DMD: variants seen among roughly 807,000 people sequenced by gnomAD.
DMD encodes the protein mutant dystrophin.
A neutral mutation model predicts 330.1 loss-of-function variants in DMD; 63 were observed. That is an observed-to-expected ratio of 0.19 (90% CI 0.16 to 0.24). The LOEUF is 0.24. Ranked by LOEUF, DMD falls within the 10% of genes least tolerant of loss-of-function variation. The probability of loss-of-function intolerance (pLI) is 1.00; values close to 1 mark genes in which losing one functional copy is unlikely to be tolerated. For synonymous variants in DMD, 1,223 were observed against 959.8 expected, an observed-to-expected ratio of 1.27 and a Z score of -5.07; for missense variants, 3,344 against 2,684.1, an observed-to-expected ratio of 1.25 and a Z score of -5.43.
intron 30 of DMD, among the ~76,000 whole-genome samples, chrX:32,403,606 A>C (rs755772750): frequency 1.2e-3 from 132 of 111,730 alleles, no homozygotes; most frequent in African/African-American, 4.1e-3. Flanking sequence ...ACTTGTGTTT[A>C]TGACTGTTTC....
At chrX:32,405,927 T>C (rs768261499) in intron 30 of DMD, among the ~76,000 whole-genome samples, 2 of 111,514 alleles carry the variant, frequency 1.8e-5, no homozygotes, top group African/African-American at 3.3e-5. Context: ...TTTTATTTCA[T>C]TGAGCAGTGG....
In DMD at chrX:32,689,600, C is replaced by T. The variant is rs1037742388; in HGVS notation, c.960+8270G>A. Among the ~76,000 whole-genome samples, 3 of 110,905 alleles carry T rather than the reference C, an allele frequency of 2.7e-5. No individual in the cohort carries two copies. The Admixed American group carries it at 2.9e-4, about 11-fold the overall frequency. ...CATTACCAAAGCCAGAAAAAGACAT[C>T]CCAAGAAAACTGCAACTCAATATCC... On this transcript the variant is annotated intron_variant, in intron 9 of 78. Coordinates refer to ENST00000357033, the MANE Select transcript of DMD (RefSeq NM_004006.3).
At chrX:32,991,430 C>CA (rs2092971212) in intron 2 of DMD, among the ~76,000 whole-genome samples, 1 of 111,748 alleles carries the variant, frequency 8.9e-6, no homozygotes, top group Admixed American at 9.6e-5. Flanking sequence ...TGATAAAAAA[C>CA]AAAAAATGTT....
chrX:31,157,994 G>A (rs2038351431), intron 74 of DMD, among the ~76,000 whole-genome samples: 2 of 108,603 alleles, frequency 1.8e-5, no homozygotes, highest in African/African-American at 6.7e-5. Context: ...TTGTAGAGAC[G>A]GTATCTCCCC....
chrX:32,951,967 CT>C (rs2091274665), intron 2 of DMD, among the ~76,000 whole-genome samples: 1 of 111,059 alleles, frequency 9.0e-6, no homozygotes, highest in Non-Finnish European at 1.9e-5. Flanking sequence ...GTAGAATAGC[CT>C]TAAGTAGAAA....
chrX:32,778,673 C>T, intron 7 of DMD, among the ~76,000 whole-genome samples: 1 of 111,441 alleles, frequency 9.0e-6, no homozygotes, highest in Non-Finnish European at 1.9e-5. Context: ...TATTCCTTAA[C>T]CCCTGGTCTT....
At chrX:32,623,023 A>G (rs1365322781) in intron 11 of DMD, among the ~76,000 whole-genome samples, 1 of 112,231 alleles carries the variant, frequency 8.9e-6, no homozygotes, top group African/African-American at 3.2e-5. Context: ...CTCAGAAGAT[A>G]TAGATTTATG....
At chrX:32,509,698 G>C (rs1760363068) in intron 18 of DMD, among the ~76,000 whole-genome samples, 1 of 111,612 alleles carries the variant, frequency 9.0e-6, no homozygotes, top group Non-Finnish European at 1.9e-5. Context: ...TTTCTTCTTA[G>C]AAGTATTTGC....
At chrX:33,035,492 C>T (rs1292050775) in intron 1 of DMD, among the ~76,000 whole-genome samples, 1 of 111,568 alleles carries the variant, frequency 9.0e-6, no homozygotes, top group African/African-American at 3.3e-5. Context: ...AGTTTCTTGT[C>T]ACCCATTATA....
At chrX:31,387,995 GTTTTTCGGTT>G (rs2060523055) in intron 60 of DMD, among the ~76,000 whole-genome samples, 1 of 104,915 alleles carries the variant, frequency 9.5e-6, no homozygotes, top group Non-Finnish European at 1.9e-5. Flanking sequence ...TTTCTTCTTT[GTTTTTCGGTT>G]TTTTTTTTTT....
At chrX:33,224,655 A>G (rs878969062) in intron 1 of DMD, among the ~76,000 whole-genome samples, 47 of 111,778 alleles carry the variant, frequency 4.2e-4, no homozygotes, top group African/African-American at 1.3e-3. Context: ...ACACATCACT[A>G]TAAATTTGTC....
At chrX:32,225,273 T>C (rs1004436746) in intron 43 of DMD, among the ~76,000 whole-genome samples, 3 of 111,855 alleles carry the variant, frequency 2.7e-5, no homozygotes, top group African/African-American at 9.7e-5. Flanking sequence ...AAAAAAGGTA[T>C]ACATGGAGCA....
chrX:31,709,784 G>A (rs2084494183), intron 52 of DMD, among the ~76,000 whole-genome samples: 1 of 110,946 alleles, frequency 9.0e-6, no homozygotes, highest in Non-Finnish European at 1.9e-5. Flanking sequence ...ATACATATAT[G>A]TTTCTATTAT....
At chrX:32,600,836 T>C (rs1052886223) in intron 12 of DMD, among the ~76,000 whole-genome samples, 1 of 111,185 alleles carries the variant, frequency 9.0e-6, no homozygotes, top group Non-Finnish European at 1.9e-5. Context: ...ACATTAAGAA[T>C]TCAGAAGGTT....
chrX:33,223,863 A>C (rs2052234529), intron 1 of DMD, among the ~76,000 whole-genome samples: 1 of 112,608 alleles, frequency 8.9e-6, no homozygotes, highest in Admixed American at 9.4e-5. Context: ...AAATATACAA[A>C]GAACTGTTAA....
chrX:32,500,965 T>C (rs2043994981), intron 19 of DMD, among the ~76,000 whole-genome samples: 1 of 112,184 alleles, frequency 8.9e-6, no homozygotes, highest in African/African-American at 3.2e-5. Flanking sequence ...ATTTATGATG[T>C]TCTTGTAAAC....
intron 1 of DMD, among the ~76,000 whole-genome samples, chrX:33,322,735 AT>A (rs1188165857): frequency 2.1e-4 from 23 of 112,129 alleles, no homozygotes; most frequent in Non-Finnish European, 3.8e-5. Context: ...CAGCAGAGAT[AT>A]AAATAGCTTT....
intron 12 of DMD, among the ~76,000 whole-genome samples, chrX:32,605,684 G>A (rs1091269): frequency 0.38 from 41,517 of 109,514 alleles, 5,744 homozygotes; most frequent in South Asian, 0.61. Context: ...GAATCTAAAA[G>A]TAACTCAACA....
At chrX:32,025,025 T>C (rs778831658) in intron 44 of DMD, among the ~76,000 whole-genome samples, 1 of 111,552 alleles carries the variant, frequency 9.0e-6, no homozygotes. Flanking sequence ...TGAACCTGGT[T>C]GGTAGCCTCA....
Sources: gnomAD v4.1 joint callset for allele counts (sites outside exome capture counted in the v4.1 genomes callset) on GRCh38, gnomAD v4.1.1 for gene constraint, MANE v1.5 for transcripts, NCBI Gene and HGNC (gene_info 2026-07-23, HGNC 2026-07-21) for gene names.